PCDHGA3: variants seen among roughly 807,000 people sequenced by gnomAD.
PCDHGA3 encodes protocadherin gamma subfamily A, 3.
PCDHGA3 carries 40 observed loss-of-function variants against 58.5 expected under a neutral mutation model. The observed-to-expected ratio is 0.68, with a 90% confidence interval of 0.53 to 0.89. The LOEUF is 0.89. Ranked by LOEUF, PCDHGA3 falls within the 40% of genes least tolerant of loss-of-function variation. PCDHGA3 has a pLI of 0.00. For missense variants in PCDHGA3, 1,223 were observed against 1,195.9 expected, an observed-to-expected ratio of 1.02 and a Z score of -0.33; for synonymous variants, 530 against 525.7, an observed-to-expected ratio of 1.01 and a Z score of -0.11.
At chr5:141,384,734 G>T (rs1780422653) in intron 1 of PCDHGA3, 1 of 1,613,988 alleles carries the variant, frequency 6.2e-7, no homozygotes. Flanking sequence ...CTTAAGGCCA[G>T]CGAGCCAGGA....
intron 1 of PCDHGA3, chr5:141,390,412 C>A: frequency 8.3e-7 from 1 of 1,206,056 alleles, no homozygotes; most frequent in Admixed American, 2.5e-5. Flanking sequence ...AAGTTGTAGT[C>A]AGTTAAAAAG....
intron 1 of PCDHGA3, chr5:141,416,916 T>A (rs751743318): frequency 5.5e-4 from 83 of 152,132 alleles, no homozygotes; most frequent in Non-Finnish European, 8.5e-4. Flanking sequence ...CTCTTTAGGG[T>A]CATAGTTATT....
intron 1 of PCDHGA3, chr5:141,427,874 G>A: frequency 1.3e-6 from 2 of 1,560,274 alleles, no homozygotes; most frequent in South Asian, 2.2e-5. Flanking sequence ...AGCTCACGAT[G>A]CAGGCCCACG....
At chr5:141,423,225 C>T (rs763729316) in intron 1 of PCDHGA3, 3 of 1,613,804 alleles carry the variant, frequency 1.9e-6, no homozygotes, top group South Asian at 1.1e-5. Context: ...TGGCTGTGGC[C>T]GACAGCATCC....
intron 1 of PCDHGA3, chr5:141,365,374 C>T: frequency 6.2e-7 from 1 of 1,613,926 alleles, no homozygotes; most frequent in Non-Finnish European, 8.5e-7. Context: ...CCGAAGTGAT[C>T]CTCACCTCTC....
At chr5:141,366,020 T>A in intron 1 of PCDHGA3, 2 of 1,614,210 alleles carry the variant, frequency 1.2e-6, no homozygotes, top group South Asian at 2.2e-5. Flanking sequence ...TGAGATCCTG[T>A]ACCCCGCCCT....
At chr5:141,407,963 G>T (rs2095010709) in intron 1 of PCDHGA3, 1 of 681,746 alleles carries the variant, frequency 1.5e-6, no homozygotes, top group Admixed American at 3.5e-5. Context: ...TGCAGAGCAA[G>T]CGCTGACGCC....
chr5:141,390,263 T>G (rs1249972080), intron 1 of PCDHGA3: 2 of 1,614,054 alleles, frequency 1.2e-6, no homozygotes, highest in Non-Finnish European at 1.7e-6. Context: ...GTAATTCCAG[T>G]GAATTGACTT....
chr5:141,451,314 G>A (rs1286009420), intron 1 of PCDHGA3, among the ~76,000 whole-genome samples: 1 of 152,218 alleles, frequency 6.6e-6, no homozygotes, highest in Non-Finnish European at 1.5e-5. Context: ...AGCAATTAAA[G>A]TGTCACCTAA....
At chr5:141,374,726 A>G (rs1471530567) in intron 1 of PCDHGA3, 2 of 1,610,526 alleles carry the variant, frequency 1.2e-6, no homozygotes, top group Non-Finnish European at 8.5e-7. Flanking sequence ...CCTTACTGCC[A>G]TGGATGGCGG....
chr5:141,415,759 T>TG (rs2095937522), intron 1 of PCDHGA3: 3 of 1,352,056 alleles, frequency 2.2e-6, no homozygotes, highest in Non-Finnish European at 2.9e-6. Flanking sequence ...TTTTTTTTTT[T>TG]TTTTTTTTTT....
intron 1 of PCDHGA3, chr5:141,478,581 T>C: frequency 6.3e-7 from 1 of 1,580,158 alleles, no homozygotes; most frequent in Non-Finnish European, 8.6e-7. Flanking sequence ...ACCCTGTTAG[T>C]GCTTTTTTAT....
At chr5:141,414,964 G>C (rs1245472476) in intron 1 of PCDHGA3, 11 of 1,613,874 alleles carry the variant, frequency 6.8e-6, no homozygotes, top group Non-Finnish European at 9.3e-6. Context: ...CAAGGTGGTG[G>C]CGGTGGACAG....
rs544058288 is a variant in PCDHGA3, at chr5:141,345,580, C to G, written c.1547C>G (p.Ala516Gly). The stretch of plus-strand genomic sequence containing the variant: ...AACTCCAACACTGGCGTCCTATACG[C>G]GCTGAGATCCTTCGACTACGAGCAA... Reference protein sequence around the residue: ...SINSNTGVLYALRSFDYEQFR... With the variant: ...SINSNTGVLYGLRSFDYEQFR... The change falls in exon 1 of 4, where the codon GCG (alanine) becomes GGG (glycine). Residue 516 changes from alanine to glycine, a missense_variant. By Grantham distance (60) the Ala-to-Gly change is moderately conservative (BLOSUM62 0). This residue lies in a region of PCDHGA3 where 791 missense variants were observed against 708.5 expected (regional missense o/e 1.12). Transcript: ENST00000253812. 4.3e-6 allele frequency: 7 copies of G among 1,614,214 alleles called. No homozygotes were observed. In the South Asian group the frequency reaches 6.6e-5, roughly 15 times the overall value.
chr5:141,494,751 G>A, intron 1 of PCDHGA3, 56 bp from the exon 2 acceptor site: 2 of 1,613,426 alleles, frequency 1.2e-6, no homozygotes, highest in Non-Finnish European at 8.5e-7. Flanking sequence ...AGGGGCTCGG[G>A]TGACATTCTA....
intron 1 of PCDHGA3, among the ~76,000 whole-genome samples, chr5:141,380,089 G>A (rs1333618493): frequency 6.6e-6 from 1 of 151,698 alleles, no homozygotes; most frequent in Non-Finnish European, 1.5e-5. Flanking sequence ...TAGTAGAGAT[G>A]GGGTTTTACC....
In PCDHGA3 at chr5:141,477,510, A is replaced by G; in HGVS notation, c.2425-17297A>G. On this transcript the variant is annotated intron_variant, in intron 1 of 3. Transcript: ENST00000253812. This position sits in a 1 kb window ranked among gnomAD's most constrained non-coding sequence, Gnocchi z 4.9. ...TCTTCTCAATCTTCCTACGACGTTT[A>G]CATTGAAGAAAACAACCTCCCCGGG... is the stretch of plus-strand genomic sequence containing the variant. 3 of 1,614,172 alleles carry G rather than the reference A, an allele frequency of 1.9e-6. No homozygotes were observed. Among genetic ancestry groups the G allele is most frequent in the Non-Finnish European group, 2.5e-6 (3 of 1,180,018 alleles).
Position 141,489,090 on chromosome 5 carries a change from C to CAAA in PCDHGA3, c.2425-5717_2425-5716insAAA. ...CCTGCCCACCCCCGCCACTCGGTGA[C>CAAA]TAAGAACTGCTGCAAGCAGGCAAAC... is the stretch of plus-strand genomic sequence containing the variant. On this transcript the variant is annotated intron_variant, in intron 1 of 3. Transcript: ENST00000253812. The surrounding 1 kb of genome is among the most constrained non-coding windows in gnomAD (Gnocchi z 4.5). 7 of 328,768 alleles carry CAAA rather than the reference C, an allele frequency of 2.1e-5. No homozygotes were observed. The highest frequency in any genetic ancestry group is 6.1e-5 in the Admixed American group (1 of 16,494). The allele number at this position is 328,768 out of a possible 1,614,324, so 20.4% of individuals were successfully genotyped here. A position where few individuals can be genotyped will look rare whatever the true frequency, so the allele number is the denominator to read the frequency against.
At chr5:141,395,078 G>T (rs756312673) in intron 1 of PCDHGA3, 3 of 1,614,126 alleles carry the variant, frequency 1.9e-6, no homozygotes, top group South Asian at 1.1e-5. Context: ...CCTATTCCCA[G>T]GAAGTCTCCC....
Sources: allele counts gnomAD v4.1 joint callset (sites outside exome capture counted in the v4.1 genomes callset), GRCh38; gene constraint gnomAD v4.1.1; regional missense constraint gnomAD v4.1.1; non-coding constraint Gnocchi (gnomAD v3.1); transcripts MANE v1.5; gene names NCBI Gene and HGNC (gene_info 2026-07-23, HGNC 2026-07-21).